The following TIAM1 variants were observed in gnomAD, a reference collection of about 807,000 sequenced individuals.
TIAM1 encodes TIAM Rac1 associated GEF 1, also known as rho guanine nucleotide exchange factor TIAM1.
In TIAM1, 65 loss-of-function variants were observed where a neutral mutation model predicts 163.5. That is an observed-to-expected ratio of 0.40 (90% CI 0.33 to 0.49). The LOEUF (loss-of-function observed/expected upper bound fraction) is 0.49, where lower values mean the gene tolerates loss of function less well. Ranked by LOEUF, TIAM1 falls within the 20% of genes least tolerant of loss-of-function variation. TIAM1 has a pLI of 0.77. For missense variants in TIAM1, 1,789 were observed against 2,044.7 expected (o/e 0.87, Z 2.41); for synonymous variants, 833 against 810.1 (o/e 1.03, Z -0.48).
chr21:31,210,641 GAAA>G (rs1569032079), intron 10 of TIAM1, among the ~76,000 whole-genome samples: 9 of 35,692 alleles, frequency 2.5e-4, no homozygotes, highest in African/African-American at 1.3e-3. Context: ...AAGAAAGAAA[GAAA>G]GAAAGAAAGA....
rs1256704388 is a variant in TIAM1, at chr21:31,276,723, C to G, written c.-12+9G>C. 6.6e-6 allele frequency: 1 copy of G among 152,196 alleles called. No individual in the cohort carries two copies. The highest frequency in any genetic ancestry group is 2.4e-5 in the African/African-American group (1 of 41,450). 9.4% of individuals were successfully genotyped at this position (152,196 alleles called of 1,614,324 possible). On this transcript the variant is annotated intron_variant, in intron 3 of 27. Coordinates refer to ENST00000541036, the MANE Select transcript of TIAM1 (RefSeq NM_001353694.2). Reference sequence around the variant, plus strand: ...ACATATAGGCTCAAATATACATATGCAAACCTACCTTAAAAGGCAACAGTG... The same window carrying G: ...ACATATAGGCTCAAATATACATATGGAAACCTACCTTAAAAGGCAACAGTG...
Position 31,120,854 on chromosome 21 carries a change from A to G in TIAM1, c.4307-17T>C. ...GGGCAGACACTGCACACACACACAA[A>G]AATATAAAAATAAAACCCCCACATG... On this transcript the variant is annotated splice_polypyrimidine_tract_variant and intron_variant, in intron 27 of 27. Coordinates refer to ENST00000541036, the MANE Select transcript of TIAM1 (RefSeq NM_001353694.2). The surrounding 1 kb of genome is among the most constrained non-coding windows in gnomAD (Gnocchi z 4.2). 1 of 1,567,018 alleles carries G rather than the reference A, an allele frequency of 6.4e-7. No homozygotes were observed. Among genetic ancestry groups the G allele is most frequent in the Non-Finnish European group, 8.6e-7 (1 of 1,158,960 alleles).
intron 1 of TIAM1, among the ~76,000 whole-genome samples, chr21:31,489,487 AAGAG>A (rs374028144): frequency 2.4e-5 from 3 of 126,556 alleles, no homozygotes; most frequent in Non-Finnish European, 4.8e-5. Context: ...AGATGAAAGA[AAGAG>A]AGAGAGGGAG....
intron 2 of TIAM1, among the ~76,000 whole-genome samples, chr21:31,362,527 T>C (rs1048678019): frequency 2.6e-5 from 4 of 151,706 alleles, no homozygotes; most frequent in Non-Finnish European, 5.9e-5. Flanking sequence ...AGGGCAGTGG[T>C]GCAATCTTGG....
intron 1 of TIAM1, among the ~76,000 whole-genome samples, chr21:31,534,104 C>A (rs953531554): frequency 6.6e-6 from 1 of 152,226 alleles, no homozygotes; most frequent in African/African-American, 2.4e-5. Flanking sequence ...CAAAACCTCA[C>A]CCACTCCATA....
intron 2 of TIAM1, among the ~76,000 whole-genome samples, chr21:31,296,301 AT>A (rs1244645921): frequency 1.3e-5 from 2 of 152,172 alleles, no homozygotes; most frequent in African/African-American, 2.4e-5. Context: ...CCAAAAAAAA[AT>A]ATGCACACCT....
At chr21:31,534,779 T>G (rs968074509) in intron 1 of TIAM1, among the ~76,000 whole-genome samples, 1 of 151,976 alleles carries the variant, frequency 6.6e-6, no homozygotes, top group African/African-American at 2.4e-5. Context: ...CCTAAAAGAG[T>G]AATCATTGTG....
At chr21:31,161,182 T>C (rs2083904554) in intron 16 of TIAM1, among the ~76,000 whole-genome samples, 2 of 152,120 alleles carry the variant, frequency 1.3e-5, no homozygotes, top group African/African-American at 2.4e-5. Context: ...TCATTCCTAA[T>C]GGAAATGTCC....
intron 2 of TIAM1, among the ~76,000 whole-genome samples, chr21:31,396,124 T>C (rs1366365791): frequency 2.0e-5 from 3 of 152,212 alleles, no homozygotes; most frequent in Non-Finnish European, 4.4e-5. Flanking sequence ...TACACTATTA[T>C]TTTCCATCTT....
intron 1 of TIAM1, among the ~76,000 whole-genome samples, chr21:31,504,347 C>T (rs1348103794): frequency 2.0e-5 from 3 of 152,156 alleles, no homozygotes; most frequent in Non-Finnish European, 2.9e-5. Context: ...GGAATCCAAC[C>T]CTTTGGGGTA....
chr21:31,159,234 C>T (rs562702344), intron 16 of TIAM1, among the ~76,000 whole-genome samples: 2 of 152,144 alleles, frequency 1.3e-5, no homozygotes, highest in Admixed American at 6.5e-5. Context: ...AACATACAGA[C>T]AAGGAGAGGA....
intron 1 of TIAM1, among the ~76,000 whole-genome samples, chr21:31,480,309 G>A (rs917603808): frequency 1.3e-5 from 2 of 152,108 alleles, no homozygotes; most frequent in African/African-American, 4.8e-5. Context: ...TGTGTCACTG[G>A]CCCACTTTGT....
chr21:31,133,501 C>T (rs576785060), intron 23 of TIAM1, among the ~76,000 whole-genome samples: 58 of 152,342 alleles, frequency 3.8e-4, no homozygotes, highest in African/African-American at 1.1e-3. Context: ...GCCCAGGAGG[C>T]AGGGAACAGA....
chr21:31,504,978 G>C (rs564868439), intron 1 of TIAM1, among the ~76,000 whole-genome samples: 7 of 152,146 alleles, frequency 4.6e-5, no homozygotes, highest in African/African-American at 1.7e-4. Flanking sequence ...CAACAAATTT[G>C]TTATTAGCCT....
chr21:31,297,381 G>A (rs2146942051), intron 2 of TIAM1, among the ~76,000 whole-genome samples: 1 of 152,228 alleles, frequency 6.6e-6, no homozygotes, highest in South Asian at 2.1e-4. Context: ...TGGTGGTGAT[G>A]GCCACATAAC....
intron 1 of TIAM1, among the ~76,000 whole-genome samples, chr21:31,465,753 G>A (rs1313104299): frequency 6.6e-6 from 1 of 152,166 alleles, no homozygotes; most frequent in Non-Finnish European, 1.5e-5. Flanking sequence ...TGTATTTTTA[G>A]TAGAGACGGG....
At chr21:31,457,842 G>A (rs2045165854) in intron 2 of TIAM1, among the ~76,000 whole-genome samples, 1 of 152,172 alleles carries the variant, frequency 6.6e-6, no homozygotes, top group Non-Finnish European at 1.5e-5. Flanking sequence ...GGACATTTTG[G>A]TTGTCCCAGC....
At chr21:31,163,666 T>C (rs2084045212) in intron 16 of TIAM1, among the ~76,000 whole-genome samples, 1 of 152,172 alleles carries the variant, frequency 6.6e-6, no homozygotes, top group Non-Finnish European at 1.5e-5. Flanking sequence ...ACAGGAAATG[T>C]ACAAACGTAG....
chr21:31,300,984 C>T, intron 2 of TIAM1, among the ~76,000 whole-genome samples: 1 of 152,136 alleles, frequency 6.6e-6, no homozygotes, highest in Non-Finnish European at 1.5e-5. Context: ...AAAGGCAGCA[C>T]CAAAAACATG....
Sources: gnomAD v4.1 joint callset for allele counts (sites outside exome capture counted in the v4.1 genomes callset) on GRCh38, gnomAD v4.1.1 for gene constraint, Gnocchi (gnomAD v3.1) non-coding constraint, MANE v1.5 for transcripts, NCBI Gene and HGNC (gene_info 2026-07-23, HGNC 2026-07-21) for gene names.